GRAMD1C: variants seen among roughly 807,000 people sequenced by gnomAD.
The protein encoded by GRAMD1C is protein Aster-C.
In GRAMD1C, 89 loss-of-function variants were observed where a neutral mutation model predicts 97.8. That is an observed-to-expected ratio of 0.91 (90% CI 0.77 to 1.09). GRAMD1C has a LOEUF of 1.09. Among genes scored for constraint, GRAMD1C ranks in the 50% least tolerant of loss-of-function variants. The pLI, the probability that GRAMD1C is intolerant of heterozygous loss-of-function variation, is 0.00. For synonymous variants in GRAMD1C, 256 were observed against 267.0 expected (o/e 0.96, Z 0.40); for missense variants, 740 against 766.4 (o/e 0.97, Z 0.41).
intron 6 of GRAMD1C, among the ~76,000 whole-genome samples, chr3:113,892,820 C>G (rs1312266602): frequency 6.6e-6 from 1 of 152,108 alleles, no homozygotes; most frequent in Admixed American, 6.5e-5. Flanking sequence ...TTAGGCCCTT[C>G]CCACTCCACT....
intron 6 of GRAMD1C, among the ~76,000 whole-genome samples, chr3:113,891,652 GGGA>G (rs1935729059): frequency 6.6e-6 from 1 of 151,904 alleles, no homozygotes; most frequent in East Asian, 1.9e-4. Context: ...AGGCTGAGGT[GGGA>G]GGATTGCTTG....
intron 2 of GRAMD1C, among the ~76,000 whole-genome samples, chr3:113,851,050 C>T (rs1220738536): frequency 6.6e-6 from 1 of 152,176 alleles, no homozygotes; most frequent in Non-Finnish European, 1.5e-5. Context: ...GATCTGCCCT[C>T]CTCGGCCTCC....
intron 1 of GRAMD1C, among the ~76,000 whole-genome samples, chr3:113,832,191 C>T (rs1298524622): frequency 6.6e-6 from 1 of 151,986 alleles, no homozygotes; most frequent in African/African-American, 2.4e-5. Flanking sequence ...CCAGGCCTGG[C>T]TAATTTTTGT....
In GRAMD1C at chr3:113,857,224, A is replaced by G. The variant is rs558654096; in HGVS notation, c.175-12283A>G. Among the ~76,000 whole-genome samples the G allele has an allele frequency of 3.3e-5, 5 of 152,276 alleles. No individual in the cohort carries two copies. In the East Asian group the frequency reaches 9.6e-4, roughly 29 times the overall value. ...TCAGTTGCACTGGCTGAAACTTCCA[A>G]CGCTATGTTGAATAAGAACGGTGAG... On this transcript the variant is annotated intron_variant, in intron 2 of 17. Coordinates refer to ENST00000358160, the MANE Select transcript of GRAMD1C (RefSeq NM_017577.5).
chr3:113,887,854 T>C (rs1577167592), intron 6 of GRAMD1C, among the ~76,000 whole-genome samples: 1 of 151,892 alleles, frequency 6.6e-6, no homozygotes, highest in East Asian at 1.9e-4. Flanking sequence ...TAAGGAAATA[T>C]TATGAATAAT....
In GRAMD1C at chr3:113,930,774, A is replaced by G. The variant is rs769768386; in HGVS notation, c.1151A>G (p.Tyr384Cys). The G allele has an allele frequency of 1.9e-6, 3 of 1,612,708 alleles. No individual in the cohort carries two copies. The highest frequency in any genetic ancestry group is 1.7e-6 in the Non-Finnish European group (2 of 1,178,666). Residue 384 changes from tyrosine to cysteine, a missense_variant, in exon 11 of 18, where the codon TAC becomes TGC. Tyr to Cys is a radical substitution (Grantham distance 194, BLOSUM62 -2). Coordinates refer to ENST00000358160, the MANE Select transcript of GRAMD1C (RefSeq NM_017577.5). ...GGTGATCAGCTGAGAACGATGACCT[A>G]CACTATAGTCCTTAATAGTCCACTT... ...LGGDQLRTMT[Y>C]TIVLNSPLTG...
At chr3:113,837,366 G>C (rs1239239478), upstream of GRAMD1C, among the ~76,000 whole-genome samples, 1 of 152,162 alleles carries the variant, frequency 6.6e-6, no homozygotes, top group African/African-American at 2.4e-5. Flanking sequence ...TTTTGTGAAG[G>C]TTAAGGACAC....
chr3:113,901,397 C>G (rs571592750), intron 7 of GRAMD1C, among the ~76,000 whole-genome samples: 2 of 152,136 alleles, frequency 1.3e-5, no homozygotes, highest in Admixed American at 6.6e-5. Context: ...TTTTAGTAAG[C>G]CTGTTTATTA....
chr3:113,833,362 T>C (rs935418474), intron 1 of GRAMD1C, among the ~76,000 whole-genome samples: 8 of 151,938 alleles, frequency 5.3e-5, no homozygotes, highest in Admixed American at 2.0e-4. Flanking sequence ...GGTCTCGAAC[T>C]CCCAACCTCA....
intron 8 of GRAMD1C, among the ~76,000 whole-genome samples, chr3:113,907,089 T>C (rs571758929): frequency 6.6e-6 from 1 of 152,338 alleles, no homozygotes; most frequent in East Asian, 1.9e-4. Context: ...AATGTATCCC[T>C]GTCATCAAAG....
At position 113,904,158 on chromosome 3, in the gene GRAMD1C, C is replaced by T. The variant is rs1936270819; in HGVS notation, c.675C>T (p.Ser225=). ...DVQPRSPGRS[S]LDDSGERDEK... ...CTTACAGAAGTCCAGGAAGAAGCAG[C>T]TTGGATGACTCTGGGGAGAGAGATG... The change falls in exon 8 of 18, where the codon AGC becomes AGT. Residue 225 remains serine, a synonymous_variant. Transcript: ENST00000358160. 1.9e-6 allele frequency: 3 copies of T among 1,609,360 alleles called. No homozygotes were observed. The highest frequency in any genetic ancestry group is 2.6e-6 in the Non-Finnish European group (3 of 1,175,914).
intron 2 of GRAMD1C, among the ~76,000 whole-genome samples, chr3:113,868,472 G>T (rs1934668882): frequency 6.6e-6 from 1 of 152,068 alleles, no homozygotes; most frequent in Non-Finnish European, 1.5e-5. Context: ...ATTTTTGTTT[G>T]CTTGTTTAAT....
intron 10 of GRAMD1C, among the ~76,000 whole-genome samples, chr3:113,917,779 G>A (rs371685876): frequency 9.6e-5 from 14 of 145,298 alleles, no homozygotes; most frequent in East Asian, 4.0e-4. Flanking sequence ...TGCAACCTCC[G>A]CCTCCTGGGC....
Position 113,844,648 on chromosome 3 carries a change from G to A in GRAMD1C, c.173G>A (p.Trp58Ter), listed in dbSNP as rs759361836. 6.3e-7 allele frequency: 1 copy of A among 1,575,754 alleles called. No homozygotes were observed. Residue 58 changes from tryptophan (W) to a stop codon, truncating the protein, a stop_gained and splice_region_variant, in exon 2 of 18, where the codon TGG becomes TAG. Coordinates refer to ENST00000358160, the MANE Select transcript of GRAMD1C (RefSeq NM_017577.5). LOFTEE classifies it high-confidence loss of function. The part of the protein sequence containing the change: ...LHNWSGDWSF[W>*]ISSSTYKDRN... ...AATTGGAGTGGTGACTGGAGCTTTTGGGTAATTTCTTTTTTTACGTCTTTA... is the reference window on the plus strand; with the variant it reads ...AATTGGAGTGGTGACTGGAGCTTTTAGGTAATTTCTTTTTTTACGTCTTTA...
At chr3:113,942,371 T>C (rs1035058362) in intron 17 of GRAMD1C, among the ~76,000 whole-genome samples, 1 of 152,230 alleles carries the variant, frequency 6.6e-6, no homozygotes, top group African/African-American at 2.4e-5. Flanking sequence ...AGAATTTCTT[T>C]AGTGTTTGGT....
At chr3:113,851,873 T>G (rs1409069725) in intron 2 of GRAMD1C, among the ~76,000 whole-genome samples, 1 of 151,528 alleles carries the variant, frequency 6.6e-6, no homozygotes, top group African/African-American at 2.4e-5. Flanking sequence ...CTTTATTTAT[T>G]TATTTATTTA....
chr3:113,944,878 A>G lies in GRAMD1C; in HGVS notation c.1909-520A>G, dbSNP rs545139563. 2.0e-5 allele frequency among the ~76,000 whole-genome samples: 3 copies of G among 152,256 alleles called. No homozygotes were observed. In the South Asian group the frequency reaches 6.2e-4, roughly 31 times the overall value. On this transcript the variant is annotated intron_variant, in intron 17 of 17. Transcript: ENST00000358160. ...ATTTTCTTAGAGAAATGAGATGTCC[A>G]GGTGTATTGTTAATGACAAAGATTA...
rs146296542 is a variant in GRAMD1C, at chr3:113,925,474, AAAACAAAC to A, written c.1091-5216_1091-5209del. Among the ~76,000 whole-genome samples the A allele has an allele frequency of 9.1e-4, 137 of 150,772 alleles. 2 individuals carry two copies. Among genetic ancestry groups the A allele is most frequent in the African/African-American group, 3.2e-3 (129 of 40,926 alleles). ...GTGACAGAGCAAGACTGTGTCTCAA[AAAACAAAC>A]AAACAAACAAACAAACAAACAAAAC... On this transcript the variant is annotated intron_variant, in intron 10 of 17. Coordinates refer to ENST00000358160, the MANE Select transcript of GRAMD1C (RefSeq NM_017577.5).
chr3:113,931,547 C>T (rs538995358), intron 11 of GRAMD1C, among the ~76,000 whole-genome samples: 6 of 151,978 alleles, frequency 3.9e-5, no homozygotes, highest in South Asian at 4.2e-4. Context: ...TTAGTAGAGA[C>T]GGGGTTTCAG....
Sources: allele counts gnomAD v4.1 joint callset (sites outside exome capture counted in the v4.1 genomes callset), GRCh38; gene constraint gnomAD v4.1.1; transcripts MANE v1.5; gene names NCBI Gene and HGNC (gene_info 2026-07-23, HGNC 2026-07-21).